SLCO3A1: variants seen among roughly 807,000 people sequenced by gnomAD.
The protein encoded by SLCO3A1 is solute carrier organic anion transporter family member 3A1.
A neutral mutation model predicts 63.1 loss-of-function variants in SLCO3A1; 27 were observed. The ratio of observed to expected loss-of-function variants is 0.43; its 90% CI spans 0.32 to 0.59. The LOEUF (loss-of-function observed/expected upper bound fraction) is 0.59, where lower values mean the gene tolerates loss of function less well. SLCO3A1 is among the 20% of genes least tolerant of loss of function. The pLI, the probability that SLCO3A1 is intolerant of heterozygous loss-of-function variation, is 0.09. For synonymous variants in SLCO3A1, 473 were observed against 409.9 expected (o/e 1.15, Z -1.86); for missense variants, 773 against 945.8 (o/e 0.82, Z 2.40).
rs375138143 is a variant in SLCO3A1 at position 91,924,698 on chromosome 15, C to T, written c.646+8240C>T. Among the ~76,000 whole-genome samples the T allele has an allele frequency of 1.2e-4, 18 of 152,310 alleles. No individual in the cohort carries two copies. In the East Asian group the frequency reaches 1.5e-3, roughly 13 times the overall value. On this transcript the variant is annotated intron_variant, in intron 2 of 9. Coordinates refer to ENST00000318445, the MANE Select transcript of SLCO3A1 (RefSeq NM_013272.4). ...CCTGGCAGGAGTGAGGGTAACACCACTGCTGAGCGGACCCACTCCTACTGA... is the reference window on the plus strand; with the variant it reads ...CCTGGCAGGAGTGAGGGTAACACCATTGCTGAGCGGACCCACTCCTACTGA...
rs1897293954 is a variant in SLCO3A1, at chr15:91,872,026, GA to G, written c.180+17940del. 6.6e-6 allele frequency among the ~76,000 whole-genome samples: 1 copy of G among 151,978 alleles called. No homozygotes were observed. The highest frequency in any genetic ancestry group is 2.4e-5 in the African/African-American group (1 of 41,364). On this transcript the variant is annotated intron_variant, in intron 1 of 9. Transcript: ENST00000318445. This position sits in a 1 kb window ranked among gnomAD's most constrained non-coding sequence, Gnocchi z 4.1. ...TTTCTTTTCATTGTTTTGCTTTTCA[GA>G]ATTACAAAATGGGATGATGAGTTCA...
chr15:92,069,934 C>T (rs2047195627), intron 2 of SLCO3A1, among the ~76,000 whole-genome samples: 1 of 152,296 alleles, frequency 6.6e-6, no homozygotes, highest in East Asian at 1.9e-4. Context: ...AACTTTTATA[C>T]TTTTATAATA....
chr15:92,025,668 C>T (rs559873745), intron 2 of SLCO3A1, among the ~76,000 whole-genome samples: 1 of 152,322 alleles, frequency 6.6e-6, no homozygotes, highest in Admixed American at 6.5e-5. Context: ...CAATTCTTTT[C>T]CTTCCCCAAC....
At position 91,862,575 on chromosome 15, in the gene SLCO3A1, G is replaced by A. The variant is rs974160014; in HGVS notation, c.180+8487G>A. Among the ~76,000 whole-genome samples the A allele has an allele frequency of 6.6e-6, 1 of 152,180 alleles. No homozygotes were observed. The highest frequency in any genetic ancestry group is 1.5e-5 in the Non-Finnish European group (1 of 68,038). Reference sequence around the variant, plus strand: ...CTGGATAATGAACCTGTTCAGATAGGCCTTGAGACTTTCTTGGTAGCTCTA... The same window carrying A: ...CTGGATAATGAACCTGTTCAGATAGACCTTGAGACTTTCTTGGTAGCTCTA... On this transcript the variant is annotated intron_variant, in intron 1 of 9. Transcript: ENST00000318445. The surrounding 1 kb of genome is among the most constrained non-coding windows in gnomAD (Gnocchi z 4.0).
intron 2 of SLCO3A1, among the ~76,000 whole-genome samples, chr15:92,063,793 T>C (rs992929583): frequency 2.0e-5 from 3 of 152,106 alleles, no homozygotes; most frequent in African/African-American, 7.2e-5. Context: ...GAGGTTGCAG[T>C]GAGCCAAGAT....
chr15:92,087,773 CCTCCCAAAGTG>C (rs2047424529), intron 2 of SLCO3A1, among the ~76,000 whole-genome samples: 1 of 152,162 alleles, frequency 6.6e-6, no homozygotes, highest in Non-Finnish European at 1.5e-5. Flanking sequence ...CCTGCCTCGG[CCTCCCAAAGTG>C]CTGGGATTAG....
chr15:91,983,913 T>C (rs2046018164), intron 2 of SLCO3A1, among the ~76,000 whole-genome samples: 1 of 152,196 alleles, frequency 6.6e-6, no homozygotes, highest in South Asian at 2.1e-4. Flanking sequence ...CTGCCATCTA[T>C]TGTACAGTTG....
At chr15:91,949,499 A>T (rs1899924519) in intron 2 of SLCO3A1, among the ~76,000 whole-genome samples, 1 of 152,110 alleles carries the variant, frequency 6.6e-6, no homozygotes, top group South Asian at 2.1e-4. Flanking sequence ...GCGTGGTGGT[A>T]TGTACCTGTA....
chr15:91,854,322 G>A lies in SLCO3A1; in HGVS notation c.180+234G>A. 1.7e-6 allele frequency: 2 copies of A among 1,143,664 alleles called. No homozygotes were observed. Among genetic ancestry groups the A allele is most frequent in the South Asian group, 4.4e-5 (1 of 22,954 alleles). The allele number at this position is 1,143,664 out of a possible 1,614,324, so 70.8% of individuals were successfully genotyped here. ...TGCCGGTAGCAGCTCGCGCGCGTCCGGCTGGGGCAGGGGGTGCCGGGGGAG... is the reference window on the plus strand; with the variant it reads ...TGCCGGTAGCAGCTCGCGCGCGTCCAGCTGGGGCAGGGGGTGCCGGGGGAG... On this transcript the variant is annotated intron_variant, in intron 1 of 9. Transcript: ENST00000318445. The surrounding 1 kb of genome is among the most constrained non-coding windows in gnomAD (Gnocchi z 6.4).
chr15:92,003,461 G>A (rs187607061), intron 2 of SLCO3A1, among the ~76,000 whole-genome samples: 191 of 152,324 alleles, frequency 1.3e-3, no homozygotes, highest in African/African-American at 4.5e-3. Context: ...ATTGGCCTCA[G>A]CATCTATCAA....
At chr15:92,067,846 C>T (rs553807010) in intron 2 of SLCO3A1, among the ~76,000 whole-genome samples, 8 of 152,302 alleles carry the variant, frequency 5.3e-5, no homozygotes, top group African/African-American at 9.6e-5. Flanking sequence ...CAGGCGGGGA[C>T]GTCCAAGATC....
chr15:91,961,166 A>C (rs1194302263), intron 2 of SLCO3A1, among the ~76,000 whole-genome samples: 1 of 152,218 alleles, frequency 6.6e-6, no homozygotes, highest in African/African-American at 2.4e-5. Flanking sequence ...CATTCTAGTC[A>C]ATTTATCTCC....
intron 2 of SLCO3A1, among the ~76,000 whole-genome samples, chr15:92,092,440 T>C (rs2047488774): frequency 6.6e-6 from 1 of 151,922 alleles, no homozygotes. Flanking sequence ...GGCAAGAGAA[T>C]TGTATCCCTG....
At chr15:92,053,314 T>C (rs1027547539) in intron 2 of SLCO3A1, among the ~76,000 whole-genome samples, 57 of 152,276 alleles carry the variant, frequency 3.7e-4, no homozygotes, top group African/African-American at 1.4e-3. Flanking sequence ...TGACAATAGA[T>C]TTACAGAAGA....
chr15:92,028,596 C>G (rs554460527), intron 2 of SLCO3A1, among the ~76,000 whole-genome samples: 158 of 152,230 alleles, frequency 1.0e-3, no homozygotes, highest in African/African-American at 3.6e-3. Context: ...CAGAGCCCAG[C>G]CAATCCAATC....
intron 2 of SLCO3A1, among the ~76,000 whole-genome samples, chr15:91,933,075 C>T (rs1330458547): frequency 6.6e-6 from 1 of 152,052 alleles, no homozygotes; most frequent in African/African-American, 2.4e-5. Flanking sequence ...AAATCCTCCC[C>T]AATTACTAAA....
intron 2 of SLCO3A1, among the ~76,000 whole-genome samples, chr15:91,978,651 T>C (rs984286468): frequency 4.6e-5 from 7 of 152,256 alleles, no homozygotes; most frequent in East Asian, 1.9e-4. Context: ...AATTTTCCCA[T>C]TGGAGTTTAT....
At chr15:92,089,823 C>G (rs765467271) in intron 2 of SLCO3A1, among the ~76,000 whole-genome samples, 14 of 152,088 alleles carry the variant, frequency 9.2e-5, no homozygotes, top group Admixed American at 2.6e-4. Context: ...TGGGCAGAAA[C>G]TCTTCATCAT....
At chr15:91,966,654 AT>A (rs1254000966) in intron 2 of SLCO3A1, among the ~76,000 whole-genome samples, 2 of 152,176 alleles carry the variant, frequency 1.3e-5, no homozygotes, top group African/African-American at 4.8e-5. Context: ...CCAAATGCAA[AT>A]TGTAGGAACA....
Sources: allele counts gnomAD v4.1 joint callset (sites outside exome capture counted in the v4.1 genomes callset), GRCh38; gene constraint gnomAD v4.1.1; non-coding constraint Gnocchi (gnomAD v3.1); transcripts MANE v1.5; gene names NCBI Gene and HGNC (gene_info 2026-07-23, HGNC 2026-07-21).